The following TENM2 variants were observed in gnomAD, a reference collection of about 807,000 sequenced individuals.
TENM2 encodes the protein teneurin transmembrane protein 2.
A neutral mutation model predicts 245.2 loss-of-function variants in TENM2; 52 were observed. The ratio of observed to expected loss-of-function variants is 0.21; its 90% CI spans 0.17 to 0.27. The LOEUF (loss-of-function observed/expected upper bound fraction) is 0.27, where lower values mean the gene tolerates loss of function less well. TENM2 is among the 10% of genes least tolerant of loss of function. The pLI is 1.00. For missense variants in TENM2, 3,046 were observed against 3,666.8 expected, an observed-to-expected ratio of 0.83 and a Z score of 4.37; for synonymous variants, 1,363 against 1,438.9, an observed-to-expected ratio of 0.95 and a Z score of 1.19.
intron 4 of TENM2, among the ~76,000 whole-genome samples, chr5:167,985,927 G>A (rs750135050): frequency 5.3e-5 from 8 of 152,314 alleles, no homozygotes; most frequent in Middle Eastern, 3.4e-3. Flanking sequence ...GCCAGCCTCC[G>A]CTTCTCAAAG....
At chr5:167,620,122 G>A (rs1465084378) in intron 2 of TENM2, among the ~76,000 whole-genome samples, 1 of 152,166 alleles carries the variant, frequency 6.6e-6, no homozygotes, top group African/African-American at 2.4e-5. Flanking sequence ...AGTCGGCCGT[G>A]TGGTTAGTTA....
intron 3 of TENM2, among the ~76,000 whole-genome samples, chr5:167,917,949 ATTG>A (rs955470311): frequency 2.6e-5 from 4 of 152,182 alleles, no homozygotes; most frequent in African/African-American, 9.6e-5. Flanking sequence ...TATTATTATT[ATTG>A]GTTAGTGTTA....
At chr5:167,409,139 T>A (rs1490755646) in intron 2 of TENM2, among the ~76,000 whole-genome samples, 1 of 151,956 alleles carries the variant, frequency 6.6e-6, no homozygotes. Context: ...CAAGTCTACC[T>A]GTCTAGAAAC....
At chr5:167,444,372 C>G (rs1037662280) in intron 2 of TENM2, among the ~76,000 whole-genome samples, 1 of 151,844 alleles carries the variant, frequency 6.6e-6, no homozygotes, top group Non-Finnish European at 1.5e-5. Context: ...TCACATGTAA[C>G]AAATGAACAA....
intron 5 of TENM2, among the ~76,000 whole-genome samples, chr5:168,030,190 T>C (rs1409976327): frequency 1.6e-5 from 2 of 127,100 alleles, no homozygotes; most frequent in Non-Finnish European, 3.2e-5. Context: ...TTTTTTTTCA[T>C]CTTTCCACCC....
the TENM2 span, among the ~76,000 whole-genome samples, chr5:167,066,280 A>G: frequency 1.3e-5 from 2 of 152,256 alleles, no homozygotes; most frequent in South Asian, 2.1e-4. Flanking sequence ...AGTTAAGGGG[A>G]GCCAGCTTCC....
intron 2 of TENM2, among the ~76,000 whole-genome samples, chr5:167,529,414 C>G (rs7737557): frequency 1.3e-5 from 2 of 152,002 alleles, no homozygotes; most frequent in African/African-American, 2.4e-5. Context: ...TATTATGACT[C>G]TTCAGCAATG....
At chr5:167,992,546 G>C (rs1315827851) in intron 4 of TENM2, among the ~76,000 whole-genome samples, 2 of 152,102 alleles carry the variant, frequency 1.3e-5, no homozygotes, top group East Asian at 3.9e-4. Flanking sequence ...AGTGACACGA[G>C]TATACCTATA....
At chr5:167,172,577 T>A in the TENM2 span, among the ~76,000 whole-genome samples, 1 of 151,920 alleles carries the variant, frequency 6.6e-6, no homozygotes, top group Admixed American at 6.6e-5. Context: ...AGAAGCTGCA[T>A]ATTTTGAACT....
At chr5:167,432,200 A>G (rs1764295911) in intron 2 of TENM2, among the ~76,000 whole-genome samples, 2 of 151,548 alleles carry the variant, frequency 1.3e-5, no homozygotes. Flanking sequence ...TTACCTCCAT[A>G]AAACAGCTCA....
intron 25 of TENM2, among the ~76,000 whole-genome samples, chr5:168,238,174 AGAGAGAGAGAGGGAGGGAGG>A (rs1364173026): frequency 9.0e-5 from 7 of 77,758 alleles, no homozygotes; most frequent in African/African-American, 6.4e-4. Flanking sequence ...AGAGAGAGAG[AGAGAGAGAGAGGGAGGGAGG>A]GAGGGAGGGA....
chr5:167,510,727 GT>G (rs1244084726), intron 2 of TENM2, among the ~76,000 whole-genome samples: 1 of 152,024 alleles, frequency 6.6e-6, no homozygotes, highest in East Asian at 1.9e-4. Context: ...GTTGAGTTTA[GT>G]TTTTTGTTGT....
At chr5:168,231,924 T>C (rs1764958875) in intron 25 of TENM2, among the ~76,000 whole-genome samples, 1 of 152,120 alleles carries the variant, frequency 6.6e-6, no homozygotes, top group South Asian at 2.1e-4. Flanking sequence ...AGGGAGACCC[T>C]GTCATGGTGG....
rs1309320657 is a variant in TENM2, at chr5:167,350,945, A to G, written c.227-24253A>G. Among the ~76,000 whole-genome samples, 2 of 80,068 alleles carry G rather than the reference A, an allele frequency of 2.5e-5. 1 individual carries two copies. Among genetic ancestry groups the G allele is most frequent in the African/African-American group, 7.8e-5 (2 of 25,738 alleles). The allele number at this position is 80,068 out of a possible 152,430, so 52.5% of individuals were successfully genotyped here. Reference sequence around the variant, plus strand: ...ATACATATGGATATATATATGGGATATATACATATGGATATATATATGGGG... The same window carrying G: ...ATACATATGGATATATATATGGGATGTATACATATGGATATATATATGGGG... On this transcript the variant is annotated intron_variant, in intron 1 of 28. Coordinates refer to ENST00000518659, the Ensembl canonical transcript of TENM2.
chr5:167,883,597 C>T (rs970159892), intron 3 of TENM2, among the ~76,000 whole-genome samples: 3 of 152,158 alleles, frequency 2.0e-5, no homozygotes, highest in African/African-American at 7.2e-5. Flanking sequence ...TGACAAAATT[C>T]TCAGGGTCGA....
exon 16 of TENM2, chr5:168,198,997 C>T: frequency 6.2e-7 from 1 of 1,614,014 alleles, no homozygotes; most frequent in South Asian, 1.1e-5. Flanking sequence ...AGGAGAACTC[C>T]ATCCCCAGCT....
At chr5:167,670,245 G>A (rs553806009) in intron 2 of TENM2, among the ~76,000 whole-genome samples, 15 of 152,170 alleles carry the variant, frequency 9.9e-5, no homozygotes, top group Admixed American at 5.2e-4. Context: ...AAGAGGGAGC[G>A]CTTTGTGATC....
At chr5:168,098,907 T>TTTTTA (rs1263693961) in intron 9 of TENM2, among the ~76,000 whole-genome samples, 1 of 152,078 alleles carries the variant, frequency 6.6e-6, no homozygotes, top group African/African-American at 2.4e-5. Context: ...TCTATTTCAT[T>TTTTTA]TTTTATTTTA....
At chr5:167,258,719 A>G in the TENM2 span, among the ~76,000 whole-genome samples, 297 of 152,212 alleles carry the variant, frequency 2.0e-3, no homozygotes, top group Non-Finnish European at 2.8e-3. Flanking sequence ...CTTGTTATTT[A>G]TACATAATTT....
Sources: allele counts gnomAD v4.1 joint callset (sites outside exome capture counted in the v4.1 genomes callset), GRCh38; gene constraint gnomAD v4.1.1; transcripts MANE v1.5; gene names NCBI Gene and HGNC (gene_info 2026-07-23, HGNC 2026-07-21).